Variants in NEXMIF observed in about 807,000 individuals in gnomAD.
NEXMIF encodes the protein neurite extension and migration factor, also known as XLMR protein related to neurite extension.
A neutral mutation model predicts 62.1 loss-of-function variants in NEXMIF; 8 were observed. The observed-to-expected ratio is 0.13, with a 90% confidence interval of 0.08 to 0.23. The LOEUF is 0.23. Among genes scored for constraint, NEXMIF ranks in the 10% least tolerant of loss-of-function variants. The pLI is 1.00. For missense variants in NEXMIF, 976 were observed against 1,113.3 expected (o/e 0.88, Z 1.75); for synonymous variants, 404 against 416.6 (o/e 0.97, Z 0.37).
At chrX:74,875,003 T>C (rs975931162) in intron 1 of NEXMIF, among the ~76,000 whole-genome samples, 4 of 111,440 alleles carry the variant, frequency 3.6e-5, no homozygotes, top group Non-Finnish European at 7.5e-5. Context: ...CCTGCCTCAT[T>C]GCCCTGGCCA....
At chrX:74,776,287 A>G (rs928304367) in intron 1 of NEXMIF, among the ~76,000 whole-genome samples, 4 of 112,077 alleles carry the variant, frequency 3.6e-5, no homozygotes, top group African/African-American at 1.3e-4. Flanking sequence ...TGCCTCCCAT[A>G]TGGTATCTTT....
At chrX:74,767,226 T>C (rs181530365) in intron 1 of NEXMIF, among the ~76,000 whole-genome samples, 58 of 112,130 alleles carry the variant, frequency 5.2e-4, no homozygotes, top group Admixed American at 1.9e-3. Context: ...AAATATAGGA[T>C]TGAGGACCCA....
intron 1 of NEXMIF, among the ~76,000 whole-genome samples, chrX:74,789,015 T>C (rs774058657): frequency 9.1e-6 from 1 of 109,859 alleles, no homozygotes; most frequent in Admixed American, 9.8e-5. Context: ...TTAGGGTACA[T>C]GTGCACATTG....
chrX:74,874,230 C>T (rs1338746409), intron 1 of NEXMIF, among the ~76,000 whole-genome samples: 2 of 109,527 alleles, frequency 1.8e-5, no homozygotes, highest in Admixed American at 1.0e-4. Flanking sequence ...GTTTTCCCAG[C>T]ACCATTTATT....
chrX:74,821,436 A>G (rs1251751012), intron 1 of NEXMIF, among the ~76,000 whole-genome samples: 1 of 111,763 alleles, frequency 8.9e-6, no homozygotes, highest in Non-Finnish European at 1.9e-5. Flanking sequence ...CTCAGACTGA[A>G]TTTTGGGTCA....
In NEXMIF at chrX:74,733,016, G is replaced by T. The variant is rs1367990210; in HGVS notation, c.*6389C>A. The T allele has an allele frequency of 8.9e-6, 1 of 111,839 alleles. No homozygotes were observed. 9.2% of individuals were successfully genotyped at this position (111,839 alleles called of 1,213,427 possible). A position where few individuals can be genotyped will look rare whatever the true frequency, so the allele number is the denominator to read the frequency against. ...AGAAGATGATTCCTCAATTTGAGGG[G>T]CAAAAGAATCCCCTACACAAAACTC... On this transcript the variant is annotated 3_prime_UTR_variant, in exon 4 of 4. Coordinates refer to ENST00000055682, the MANE Select transcript of NEXMIF (RefSeq NM_001008537.3).
chrX:74,920,816 T>C (rs2080824422), intron 1 of NEXMIF, among the ~76,000 whole-genome samples: 1 of 111,545 alleles, frequency 9.0e-6, no homozygotes, highest in Non-Finnish European at 1.9e-5. Flanking sequence ...GGCACTACTT[T>C]AGCACTCAGG....
intron 1 of NEXMIF, among the ~76,000 whole-genome samples, chrX:74,884,850 T>G (rs2080684077): frequency 8.9e-6 from 1 of 111,879 alleles, no homozygotes; most frequent in Non-Finnish European, 1.9e-5. Context: ...TACATTCTTT[T>G]CAGCACCACA....
chrX:74,844,730 A>G (rs1195381874), intron 1 of NEXMIF, among the ~76,000 whole-genome samples: 2 of 112,305 alleles, frequency 1.8e-5, no homozygotes. Context: ...TAACTGCAAA[A>G]CATTTTGGAA....
rs1225166711 is a variant in NEXMIF at position 74,925,026 on chromosome X, TGCC to T, written c.-194_-192del. The T allele has an allele frequency of 1.5e-4, 18 of 119,874 alleles. No homozygotes were observed. The highest frequency in any genetic ancestry group is 2.8e-4 in the Non-Finnish European group (16 of 58,035). The allele number at this position is 119,874 out of a possible 1,213,427, so 9.9% of individuals were successfully genotyped here. On this transcript the variant is annotated 5_prime_UTR_variant, in exon 1 of 4. Coordinates refer to ENST00000055682, the MANE Select transcript of NEXMIF (RefSeq NM_001008537.3). ...TAGCCGCCACCGCCGCTGCTACTGC[TGCC>T]GCCGCCGCCGCCGCCTCTGCCTCAG... is the stretch of plus-strand genomic sequence containing the variant.
Position 74,800,712 on chromosome X carries a change from T to C in NEXMIF, c.-47-55015A>G, listed in dbSNP as rs763183514. Reference sequence around the variant, plus strand: ...AATTAAAATTAAAAATATATTCTATTGTATAGATAGGCCATACAATAGAAT... The same window carrying C: ...AATTAAAATTAAAAATATATTCTATCGTATAGATAGGCCATACAATAGAAT... On this transcript the variant is annotated intron_variant, in intron 1 of 3. Coordinates refer to ENST00000055682, the MANE Select transcript of NEXMIF (RefSeq NM_001008537.3). Among the ~76,000 whole-genome samples the C allele has an allele frequency of 3.4e-3, 383 of 111,632 alleles. 2 individuals are homozygous for C. The highest frequency in any genetic ancestry group is 0.012 in the African/African-American group (367 of 30,785).
chrX:74,912,062 A>C (rs2080792254), intron 1 of NEXMIF, among the ~76,000 whole-genome samples: 1 of 111,848 alleles, frequency 8.9e-6, no homozygotes, highest in Admixed American at 9.5e-5. Flanking sequence ...ATCTAAGCAA[A>C]GAGAGACTTG....
rs2080079686 is a variant in NEXMIF at position 74,734,201 on chromosome X, T to A, written c.*5204A>T. The A allele has an allele frequency of 8.9e-6, 1 of 112,387 alleles. No individual in the cohort carries two copies. The highest frequency in any genetic ancestry group is 3.7e-4 in the South Asian group (1 of 2,723). The allele number at this position is 112,387 out of a possible 1,213,427, so 9.3% of individuals were successfully genotyped here. On this transcript the variant is annotated 3_prime_UTR_variant, in exon 4 of 4. Coordinates refer to ENST00000055682, the MANE Select transcript of NEXMIF (RefSeq NM_001008537.3). ...AAAAGGGCCTCTAACGCTTTTATTT[T>A]AAATTTTCTTAAATGCTTAAGGGGC...
chrX:74,877,889 C>A, intron 1 of NEXMIF, among the ~76,000 whole-genome samples: 1 of 111,650 alleles, frequency 9.0e-6, no homozygotes, highest in Non-Finnish European at 1.9e-5. Context: ...ATTATACATT[C>A]TTCTAAATTG....
At chrX:74,808,425 G>A (rs929648654) in intron 1 of NEXMIF, among the ~76,000 whole-genome samples, 46 of 111,711 alleles carry the variant, frequency 4.1e-4, no homozygotes, top group African/African-American at 1.4e-3. Context: ...AATCTACTTG[G>A]TGTGAGGTAT....
In NEXMIF at chrX:74,797,413, G is replaced by A. The variant is rs756359822; in HGVS notation, c.-47-51716C>T. Among the ~76,000 whole-genome samples the A allele has an allele frequency of 6.2e-4, 69 of 111,919 alleles. 1 individual carries two copies. The highest frequency in any genetic ancestry group is 1.2e-3 in the Non-Finnish European group (63 of 53,144). ...AGATGATAACATTAGGGGAAACTGG[G>A]CAAACGGTATATTGGAACTCTTTGT... On this transcript the variant is annotated intron_variant, in intron 1 of 3. Transcript: ENST00000055682.
intron 1 of NEXMIF, among the ~76,000 whole-genome samples, chrX:74,785,202 G>A (rs185501113): frequency 7.6e-4 from 84 of 111,168 alleles, no homozygotes; most frequent in Admixed American, 6.9e-3. Context: ...AGTGAACCTG[G>A]GGATAGTATT....
intron 1 of NEXMIF, among the ~76,000 whole-genome samples, chrX:74,756,679 C>G (rs1257507320): frequency 9.0e-6 from 1 of 111,388 alleles, no homozygotes; most frequent in Non-Finnish European, 1.9e-5. Context: ...TCTGACCCCT[C>G]ACAACTCATT....
chrX:74,789,777 T>A (rs1012559233), intron 1 of NEXMIF, among the ~76,000 whole-genome samples: 4 of 109,100 alleles, frequency 3.7e-5, no homozygotes, highest in Non-Finnish European at 3.8e-5. Context: ...TGTCTTCTTT[T>A]GAGAAGTGTC....
Sources: gnomAD v4.1 joint callset for allele counts (sites outside exome capture counted in the v4.1 genomes callset) on GRCh38, gnomAD v4.1.1 for gene constraint, MANE v1.5 for transcripts, NCBI Gene and HGNC (gene_info 2026-07-23, HGNC 2026-07-21) for gene names.